TRAPPC2L: variants seen among roughly 807,000 people sequenced by gnomAD.
TRAPPC2L encodes trafficking protein particle complex subunit 2-like protein.
In TRAPPC2L, 17 loss-of-function variants were observed where a neutral mutation model predicts 13.2. The ratio of observed to expected loss-of-function variants is 1.29; its 90% CI spans 0.88 to 1.93. The LOEUF (loss-of-function observed/expected upper bound fraction) is 1.93. Among genes scored for constraint, TRAPPC2L ranks in the 30% most tolerant of loss-of-function variants. The probability of loss-of-function intolerance (pLI) is 0.00; values close to 1 mark genes in which losing one functional copy is unlikely to be tolerated. For synonymous variants in TRAPPC2L, 150 were observed against 98.1 expected, an observed-to-expected ratio of 1.53 and a Z score of -3.12; for missense variants, 359 against 252.1, an observed-to-expected ratio of 1.42 and a Z score of -2.87.
intron 2 of TRAPPC2L, chr16:88,859,180 T>C (rs1968201064): frequency 8.7e-6 from 4 of 461,946 alleles, no homozygotes; most frequent in South Asian, 3.6e-5. Context: ...GACACTCGTC[T>C]AGTCCCTTGG....
At chr16:88,857,093 A>G (rs1387801658), upstream of TRAPPC2L, 7 of 1,544,470 alleles carry the variant, frequency 4.5e-6, no homozygotes, top group South Asian at 6.0e-5. Context: ...GGGGCTTTGG[A>G]GGCCGCGTGA....
chr16:88,862,411 C>G (rs750956429), exon 4 of TRAPPC2L: 1 of 152,386 alleles, frequency 6.6e-6, no homozygotes, highest in African/African-American at 2.4e-5. Flanking sequence ...GAAGGGGACT[C>G]AGCTGCCACA....
At chr16:88,856,301 C>G (rs763868270), upstream of TRAPPC2L, 2 of 702,764 alleles carry the variant, frequency 2.8e-6, no homozygotes, top group South Asian at 1.5e-5. Flanking sequence ...GGGAGTGATT[C>G]CTAGGGCGAC....
chr16:88,861,766 C>T (rs1218823891), exon 4 of TRAPPC2L: 1 of 442,314 alleles, frequency 2.3e-6, no homozygotes, highest in African/African-American at 2.0e-5. Context: ...CAGCACTGGT[C>T]CAGGACTGGA....
chr16:88,860,716 G>C, exon 4 of TRAPPC2L: 1 of 635,878 alleles, frequency 1.6e-6, no homozygotes, highest in Non-Finnish European at 2.8e-6. Context: ...GCTGCACAGG[G>C]AACTTGGAGG....
rs1167796067 is a variant in TRAPPC2L, at chr16:88,859,471, TCTC to T, written c.207-189_207-187del. 16 of 710,520 alleles carry T rather than the reference TCTC, an allele frequency of 2.3e-5. No individual in the cohort carries two copies. In the Admixed American group the frequency reaches 2.6e-4, roughly 12 times the overall value. The allele number at this position is 710,520 out of a possible 1,614,324, so 44.0% of individuals were successfully genotyped here. A position where few individuals can be genotyped will look rare whatever the true frequency, so the allele number is the denominator to read the frequency against. On this transcript the variant is annotated intron_variant, in intron 2 of 3. Coordinates refer to ENST00000565504, the Ensembl canonical transcript of TRAPPC2L. ...AAGGCTTGGCTGCCTGCTCTTCGCT[TCTC>T]CTGCAAACACCAGACGTCGCCCTAG...
chr16:88,860,101 C>T (rs1346865355), exon 4 of TRAPPC2L: 4 of 890,012 alleles, frequency 4.5e-6, no homozygotes, highest in African/African-American at 2.0e-5. Flanking sequence ...CACCATCCCC[C>T]TAGGGCAGAG....
chr16:88,856,730 C>G, upstream of TRAPPC2L: 1 of 1,380,452 alleles, frequency 7.2e-7, no homozygotes, highest in Non-Finnish European at 9.8e-7. Context: ...CCACCCCGGC[C>G]CTGCCCCGTC....
intron 2 of TRAPPC2L, 34 bp downstream of exon 2, chr16:88,858,825 A>T (rs371056978): frequency 3.8e-6 from 6 of 1,591,320 alleles, no homozygotes; most frequent in Non-Finnish European, 5.1e-6. Context: ...GTCAGGGAGG[A>T]CCTACAGTTG....
At chr16:88,859,861 G>C (rs751039999) in intron 3 of TRAPPC2L, 32 bp from the exon 4 acceptor site, 1 of 1,577,914 alleles carries the variant, frequency 6.3e-7, no homozygotes, top group African/African-American at 1.5e-5. Context: ...GTGTGTATGT[G>C]GCAAGGTCAT....
In TRAPPC2L at chr16:88,859,758, A is replaced by G; in HGVS notation, c.294+8A>G. 1 of 1,610,792 alleles carries G rather than the reference A, an allele frequency of 6.2e-7. No individual in the cohort carries two copies. Among genetic ancestry groups the G allele is most frequent in the Non-Finnish European group, 8.5e-7 (1 of 1,177,760 alleles). On this transcript the variant is annotated splice_region_variant and intron_variant, in intron 3 of 3. Coordinates refer to ENST00000565504, the Ensembl canonical transcript of TRAPPC2L. ...GACAACGAAATTCGCAGCGTAAGTCAGGGAGTTAGAGGGCCACGCCCGAGT... is the reference window on the plus strand; with the variant it reads ...GACAACGAAATTCGCAGCGTAAGTCGGGGAGTTAGAGGGCCACGCCCGAGT...
exon 4 of TRAPPC2L, chr16:88,860,952 T>C: frequency 1.3e-6 from 2 of 1,590,388 alleles, no homozygotes; most frequent in Non-Finnish European, 1.7e-6. Context: ...ATGATACAGG[T>C]GTGCTGAGTG....
exon 4 of TRAPPC2L, chr16:88,860,847 G>A (rs532860504): frequency 4.6e-6 from 7 of 1,526,330 alleles, no homozygotes; most frequent in East Asian, 4.7e-5. Flanking sequence ...CATGCTGCCC[G>A]GCCCGTCTCT....
chr16:88,857,254 C>G (rs1316859033), intron 1 of TRAPPC2L, 71 bp downstream of exon 1: 1 of 1,378,050 alleles, frequency 7.3e-7, no homozygotes, highest in Admixed American at 2.4e-5. Flanking sequence ...CTACTTCTTC[C>G]CTGGGCTTAG....
exon 4 of TRAPPC2L, chr16:88,860,774 CCT>C: frequency 1.1e-6 from 1 of 904,974 alleles, no homozygotes; most frequent in Non-Finnish European, 1.7e-6. Context: ...CCTGTCCTGG[CCT>C]CTCAGCGGAG....
At chr16:88,857,069 T>C (rs114211454), upstream of TRAPPC2L, 50,160 of 1,496,414 alleles carry the variant, frequency 0.034, 1,537 homozygotes, top group African/African-American at 0.17. Flanking sequence ...GAGCCAGCTG[T>C]GTGCGGATGG....
At chr16:88,858,497 G>A in intron 1 of TRAPPC2L, 122 bp from the exon 2 acceptor site, 1 of 1,028,876 alleles carries the variant, frequency 9.7e-7, no homozygotes, top group South Asian at 1.5e-5. Flanking sequence ...GAAGCGGTGG[G>A]CCTTAGAGCA....
exon 4 of TRAPPC2L, chr16:88,860,144 C>T: frequency 1.4e-6 from 1 of 719,826 alleles, no homozygotes; most frequent in Non-Finnish European, 2.5e-6. Context: ...TTTCTCCACA[C>T]CAACTCTTAC....
At chr16:88,858,930 G>T in intron 2 of TRAPPC2L, 139 bp downstream of exon 2, 2 of 847,016 alleles carry the variant, frequency 2.4e-6, no homozygotes. Context: ...AGCTTGAGGT[G>T]AATGAAGGCC....
Sources: allele counts gnomAD v4.1 joint callset, GRCh38; gene constraint gnomAD v4.1.1; transcripts MANE v1.5; gene names NCBI Gene and HGNC (gene_info 2026-07-23, HGNC 2026-07-21).